The following RBM11 variants were observed in gnomAD, a reference collection of about 807,000 sequenced individuals.
RBM11 encodes the protein RNA binding motif protein 11, also known as splicing regulator RBM11.
Under a neutral mutation model 21.4 loss-of-function variants are expected in RBM11, and 18 were observed. That is an observed-to-expected ratio of 0.84 (90% CI 0.58 to 1.25). The LOEUF is 1.25. Ranked by LOEUF, RBM11 falls within the 50% of genes most tolerant of loss-of-function variation. The pLI is 0.00. For synonymous variants in RBM11, 120 were observed against 116.3 expected (o/e 1.03, Z -0.20); for missense variants, 294 against 331.9 (o/e 0.89, Z 0.89).
intron 3 of RBM11, 48 bp downstream of exon 3, chr21:14,221,217 A>G (rs1327367843): frequency 1.3e-6 from 2 of 1,501,150 alleles, no homozygotes; most frequent in Admixed American, 4.8e-5. Context: ...ATATATTTTT[A>G]TGCCAAGAGG....
chr21:14,227,307 T>C lies in RBM11; in HGVS notation c.*14T>C. On this transcript the variant is annotated 3_prime_UTR_variant, in exon 5 of 5. Transcript: ENST00000400577. ...AAAAGATACTAGTATTACCTACAAA[T>C]GAAACTTACCTACACTGATCTTAGT... 1.9e-6 allele frequency: 3 copies of C among 1,591,112 alleles called. No individual in the cohort carries two copies. Among genetic ancestry groups the C allele is most frequent in the Non-Finnish European group, 8.5e-7 (1 of 1,170,400 alleles).
At chr21:14,216,637 C>T (rs940398656) in intron 1 of RBM11, among the ~76,000 whole-genome samples, 1 of 152,164 alleles carries the variant, frequency 6.6e-6, no homozygotes, top group African/African-American at 2.4e-5. Context: ...CGCCTGACAT[C>T]CCCCAAAAGG....
intron 1 of RBM11, 44 bp downstream of exon 1, chr21:14,216,326 G>C (rs776284179): frequency 6.4e-7 from 1 of 1,564,980 alleles, no homozygotes; most frequent in South Asian, 1.1e-5. Context: ...GAGCACGTCG[G>C]GCCGGAAACA....
intron 1 of RBM11, among the ~76,000 whole-genome samples, chr21:14,219,077 G>A (rs2123390927): frequency 6.6e-6 from 1 of 152,162 alleles, no homozygotes; most frequent in East Asian, 1.9e-4. Flanking sequence ...AAATCAAAAT[G>A]CATGATAAAT....
intron 3 of RBM11, among the ~76,000 whole-genome samples, chr21:14,223,464 G>A (rs1195945026): frequency 6.6e-6 from 1 of 152,084 alleles, no homozygotes; most frequent in Non-Finnish European, 1.5e-5. Flanking sequence ...TCATAGTTCT[G>A]AAGGCTAGAC....
intron 4 of RBM11, among the ~76,000 whole-genome samples, chr21:14,226,632 A>AC (rs1315396913): frequency 4.0e-5 from 6 of 151,724 alleles, no homozygotes; most frequent in Admixed American, 1.3e-4. Context: ...AAAAAAAAAA[A>AC]AAACAAACAA....
chr21:14,222,858 T>C (rs1201817748), intron 3 of RBM11, among the ~76,000 whole-genome samples: 1 of 152,194 alleles, frequency 6.6e-6, no homozygotes, highest in Non-Finnish European at 1.5e-5. Flanking sequence ...TAACACAAGG[T>C]GCTTAAAATA....
At chr21:14,219,433 A>G (rs1600956666) in intron 1 of RBM11, 130 bp from the exon 2 acceptor site, 2 of 618,254 alleles carry the variant, frequency 3.2e-6, no homozygotes, top group East Asian at 2.9e-5. Flanking sequence ...ATTATTAGAA[A>G]GATACATTAT....
chr21:14,221,142 G>C lies in RBM11; in HGVS notation c.305G>C (p.Cys102Ser), dbSNP rs774533502. 1.3e-6 allele frequency: 2 copies of C among 1,575,442 alleles called. No individual in the cohort carries two copies. The highest frequency in any genetic ancestry group is 2.3e-5 in the East Asian group (1 of 43,844). Reference sequence around the variant, plus strand: ...CCAGCTAACCAAAGTTTTGAGAGCTGTGTTAAGATAAATTCACACAACTAC... The same window carrying C: ...CCAGCTAACCAAAGTTTTGAGAGCTCTGTTAAGATAAATTCACACAACTAC... ...SEPANQSFES[C>S]VKINSHNYRN... The change falls in exon 3 of 5, where the codon TGT becomes TCT. Residue 102 changes from cysteine (C) to serine (S), a missense_variant. Coordinates refer to ENST00000400577, the MANE Select transcript of RBM11 (RefSeq NM_144770.5).
chr21:14,217,483 C>T (rs1736512885), intron 1 of RBM11, among the ~76,000 whole-genome samples: 1 of 152,002 alleles, frequency 6.6e-6, no homozygotes. Flanking sequence ...ACTTTTGTCT[C>T]GAAACTTAAC....
At chr21:14,221,553 T>C (rs1425399197) in intron 3 of RBM11, 1 of 154,804 alleles carries the variant, frequency 6.5e-6, no homozygotes, top group Non-Finnish European at 1.4e-5. Flanking sequence ...GATAAAGTGC[T>C]AGCTTTGAAA....
chr21:14,223,287 T>C (rs1978828000), intron 3 of RBM11, among the ~76,000 whole-genome samples: 1 of 152,222 alleles, frequency 6.6e-6, no homozygotes, highest in Non-Finnish European at 1.5e-5. Context: ...AGAAAAATGG[T>C]GCTTATTTAA....
chr21:14,222,243 G>T (rs1978733344), intron 3 of RBM11, among the ~76,000 whole-genome samples: 1 of 151,880 alleles, frequency 6.6e-6, no homozygotes, highest in Non-Finnish European at 1.5e-5. Flanking sequence ...TCTATATATA[G>T]AGGAGAGGAA....
intron 2 of RBM11, among the ~76,000 whole-genome samples, chr21:14,219,997 T>C (rs1228572631): frequency 6.6e-6 from 1 of 152,188 alleles, no homozygotes; most frequent in Non-Finnish European, 1.5e-5. Context: ...TGGTTGCTAT[T>C]GGCCCTTATA....
chr21:14,222,456 C>T (rs1288833640), intron 3 of RBM11, among the ~76,000 whole-genome samples: 1 of 152,104 alleles, frequency 6.6e-6, no homozygotes, highest in Non-Finnish European at 1.5e-5. Context: ...AGCTGACCCT[C>T]CTATCCCTTT....
rs986621629 is a variant in RBM11 at position 14,228,076 on chromosome 21, ATATTT to A, written c.*788_*792del. ...TGAAAATGAGCAAGTAAATAGAATA[ATATTT>A]TATTAATGTATGATATGTAATACTT... On this transcript the variant is annotated 3_prime_UTR_variant, in exon 5 of 5. Coordinates refer to ENST00000400577, the MANE Select transcript of RBM11 (RefSeq NM_144770.5). The A allele has an allele frequency of 2.3e-4, 35 of 152,210 alleles. No homozygotes were observed. Among genetic ancestry groups the A allele is most frequent in the Non-Finnish European group, 3.8e-4 (26 of 68,034 alleles). The allele number at this position is 152,210 out of a possible 1,614,324, so 9.4% of individuals were successfully genotyped here.
At chr21:14,221,837 A>G (rs1179765525) in intron 3 of RBM11, among the ~76,000 whole-genome samples, 1 of 152,200 alleles carries the variant, frequency 6.6e-6, no homozygotes, top group Non-Finnish European at 1.5e-5. Flanking sequence ...TAGCACACTT[A>G]GGAAAAGCTG....
intron 1 of RBM11, 37 bp from the exon 2 acceptor site, chr21:14,219,526 T>G (rs1302222457): frequency 7.1e-7 from 1 of 1,402,886 alleles, no homozygotes; most frequent in South Asian, 1.6e-5. Context: ...AAAAAATCTT[T>G]GGATTTATGA....
intron 1 of RBM11, among the ~76,000 whole-genome samples, chr21:14,217,878 T>A (rs73152924): frequency 0.08 from 12,249 of 152,230 alleles, 596 homozygotes; most frequent in Non-Finnish European, 0.12. Context: ...TTTTAGTCAA[T>A]CAGGACTCGA....
Sources: allele counts gnomAD v4.1 joint callset (sites outside exome capture counted in the v4.1 genomes callset), GRCh38; gene constraint gnomAD v4.1.1; transcripts MANE v1.5; gene names NCBI Gene and HGNC (gene_info 2026-07-23, HGNC 2026-07-21).